The following MECOM variants were observed in gnomAD, a reference collection of about 807,000 sequenced individuals.
MECOM encodes histone-lysine N-methyltransferase MECOM.
In MECOM, 13 loss-of-function variants were observed where a neutral mutation model predicts 116.3. The ratio of observed to expected loss-of-function variants is 0.11; its 90% CI spans 0.07 to 0.18. MECOM has a LOEUF of 0.18. Among genes scored for constraint, MECOM ranks in the 10% least tolerant of loss-of-function variants. The pLI is 1.00. For synonymous variants in MECOM, 528 were observed against 535.2 expected (o/e 0.99, Z 0.19); for missense variants, 1,299 against 1,509.0 (o/e 0.86, Z 2.31).
chr3:169,087,938 T>C (rs1350569251), intron 16 of MECOM, among the ~76,000 whole-genome samples: 1 of 152,174 alleles, frequency 6.6e-6, no homozygotes, highest in Non-Finnish European at 1.5e-5. Context: ...AGAAAGAACA[T>C]TTATTTTACC....
intron 1 of MECOM, among the ~76,000 whole-genome samples, chr3:169,464,723 G>A (rs1748008762): frequency 1.3e-5 from 2 of 152,064 alleles, no homozygotes; most frequent in East Asian, 1.9e-4. Flanking sequence ...TTATAATACA[G>A]TATAACTTCC....
intron 5 of MECOM, among the ~76,000 whole-genome samples, chr3:169,123,274 G>A (rs1422803214): frequency 3.3e-5 from 5 of 150,454 alleles, no homozygotes; most frequent in Non-Finnish European, 7.4e-5. Flanking sequence ...TGGATGGATG[G>A]ATGGACTGAT....
intron 1 of MECOM, among the ~76,000 whole-genome samples, chr3:169,392,544 A>C (rs1734380727): frequency 1.3e-5 from 2 of 152,170 alleles, no homozygotes; most frequent in Admixed American, 6.6e-5. Flanking sequence ...GAGCTGTGTA[A>C]GTTGCTAAGG....
intron 1 of MECOM, among the ~76,000 whole-genome samples, chr3:169,548,606 G>A (rs1041319279): frequency 6.6e-6 from 1 of 152,168 alleles, no homozygotes; most frequent in Admixed American, 6.5e-5. Flanking sequence ...ATAGTTTGAT[G>A]ACTTGAGAGG....
At chr3:169,442,481 T>C (rs1743897522) in intron 1 of MECOM, among the ~76,000 whole-genome samples, 1 of 152,192 alleles carries the variant, frequency 6.6e-6, no homozygotes, top group Non-Finnish European at 1.5e-5. Context: ...AGTAACAAGA[T>C]AAAAATATCC....
At chr3:169,214,700 C>G (rs1751203014) in intron 2 of MECOM, among the ~76,000 whole-genome samples, 2 of 150,918 alleles carry the variant, frequency 1.3e-5, no homozygotes, top group Non-Finnish European at 3.0e-5. Flanking sequence ...TTTTTGTTAA[C>G]TAAGGGTGCC....
At chr3:169,602,957 A>G (rs1027053158) in intron 1 of MECOM, among the ~76,000 whole-genome samples, 1 of 152,226 alleles carries the variant, frequency 6.6e-6, no homozygotes, top group African/African-American at 2.4e-5. Context: ...CCCAATACAT[A>G]TATTCACTCA....
intron 1 of MECOM, among the ~76,000 whole-genome samples, chr3:169,504,983 T>C (rs9816799): frequency 0.52 from 78,592 of 151,980 alleles, 21,695 homozygotes; most frequent in African/African-American, 0.73. Flanking sequence ...CTACCATCCG[T>C]CACCACCAAA....
At chr3:169,472,503 GAAAGGAAAGGAAAGGAAAGA>G in intron 1 of MECOM, among the ~76,000 whole-genome samples, 2 of 82,876 alleles carry the variant, frequency 2.4e-5, no homozygotes, top group South Asian at 8.3e-4. Flanking sequence ...GAAAGGAAAG[GAAAGGAAAGGAAAGGAAAGA>G]AAAGAAAAGA....
At chr3:169,451,831 A>G (rs1190893690) in intron 1 of MECOM, among the ~76,000 whole-genome samples, 1 of 152,054 alleles carries the variant, frequency 6.6e-6, no homozygotes, top group Non-Finnish European at 1.5e-5. Flanking sequence ...TTCATAATAG[A>G]TGTGGAAAAA....
intron 1 of MECOM, among the ~76,000 whole-genome samples, chr3:169,462,059 C>A (rs1747540514): frequency 6.6e-6 from 1 of 152,058 alleles, no homozygotes; most frequent in South Asian, 2.1e-4. Context: ...TGTAACTGGG[C>A]TCTCAATCGC....
intron 2 of MECOM, 25 bp downstream of exon 2, chr3:169,381,162 G>A (rs184958180): frequency 3.5e-5 from 55 of 1,565,580 alleles, no homozygotes; most frequent in Non-Finnish European, 4.4e-5. Context: ...ATATATAAAT[G>A]TGTTAACTCA....
intron 1 of MECOM, among the ~76,000 whole-genome samples, chr3:169,403,378 A>G (rs1002168566): frequency 1.8e-4 from 27 of 152,332 alleles, no homozygotes; most frequent in African/African-American, 5.5e-4. Context: ...GATTATTGTA[A>G]TTTAGGTCCA....
chr3:169,223,085 G>A (rs779687051), intron 2 of MECOM, among the ~76,000 whole-genome samples: 4 of 151,846 alleles, frequency 2.6e-5, no homozygotes, highest in East Asian at 1.9e-4. Flanking sequence ...ATGACTCTAA[G>A]TATCTCTGCT....
chr3:169,112,944 T>C (rs1727912875), intron 8 of MECOM, 70 bp from the exon 9 acceptor site: 2 of 1,110,314 alleles, frequency 1.8e-6, no homozygotes. Flanking sequence ...ATCACTGACA[T>C]TTAAAGGAAC....
chr3:169,643,214 T>C (rs566856625), intron 1 of MECOM, among the ~76,000 whole-genome samples: 1 of 152,320 alleles, frequency 6.6e-6, no homozygotes, highest in African/African-American at 2.4e-5. Context: ...ATAATTCAAC[T>C]CCTCATTCAA....
rs750702658 is a variant in MECOM at position 169,115,608 on chromosome 3, G to A, written c.2264C>T (p.Thr755Ile). 6.8e-6 allele frequency: 11 copies of A among 1,614,026 alleles called. No homozygotes were observed. The highest frequency in any genetic ancestry group is 9.3e-6 in the Non-Finnish European group (11 of 1,180,036). ...TTKRKDEKPL[T>I]PVPSKPPVTP... is the part of the protein sequence containing the mutation. ...CACTGGAGGCTTGGAGGGGACTGGA[G>A]TCAAGGGCTTCTCATCCTTTCGCTT... is the stretch of plus-strand genomic sequence containing the variant. Residue 755 changes from threonine to isoleucine, a missense_variant, in exon 8 of 17, where the codon ACT (threonine) becomes ATT (isoleucine). Around this residue, in one of 6 missense-constraint regions of MECOM, gnomAD observed 340 missense variants for 312.6 expected, o/e 1.09. Coordinates refer to ENST00000651503, the MANE Select transcript of MECOM (RefSeq NM_004991.4).
At position 169,237,428 on chromosome 3, in the gene MECOM, AT is replaced by A. The variant is rs766986275; in HGVS notation, c.376-93597del. ...CTATAGTATTCAATATAAAATTGTT[AT>A]TTTAAGAGCTAACTGACCACCCTTA... On this transcript the variant is annotated intron_variant, in intron 2 of 16. Coordinates refer to ENST00000651503, the MANE Select transcript of MECOM (RefSeq NM_004991.4). 3.3e-5 allele frequency among the ~76,000 whole-genome samples: 5 copies of A among 152,108 alleles called. No homozygotes were observed. In the East Asian group the frequency reaches 9.6e-4, roughly 29 times the overall value.
intron 9 of MECOM, among the ~76,000 whole-genome samples, chr3:169,112,251 T>A (rs1042840071): frequency 1.3e-5 from 2 of 152,172 alleles, no homozygotes; most frequent in Non-Finnish European, 2.9e-5. Flanking sequence ...TGAACACAAT[T>A]CTATTCTGCA....
Sources: allele counts gnomAD v4.1 joint callset (sites outside exome capture counted in the v4.1 genomes callset), GRCh38; gene constraint gnomAD v4.1.1; regional missense constraint gnomAD v4.1.1; transcripts MANE v1.5; gene names NCBI Gene and HGNC (gene_info 2026-07-23, HGNC 2026-07-21).